TRIP12: variants seen among roughly 807,000 people sequenced by gnomAD.
The protein encoded by TRIP12 is thyroid hormone receptor interactor 12.
In TRIP12, 25 loss-of-function variants were observed where a neutral mutation model predicts 244.2. That is an observed-to-expected ratio of 0.10 (90% confidence interval 0.07 to 0.14). The LOEUF is 0.14. TRIP12 is among the 10% of genes least tolerant of loss of function. The pLI, the probability that TRIP12 is intolerant of heterozygous loss-of-function variation, is 1.00. For missense variants in TRIP12, 1,677 were observed against 2,486.4 expected (o/e 0.67, Z 6.92); for synonymous variants, 905 against 873.1 (o/e 1.04, Z -0.64).
chr2:229,905,274 CAAA>C (rs371131914), intron 1 of TRIP12, among the ~76,000 whole-genome samples: 3 of 67,236 alleles, frequency 4.5e-5, no homozygotes, highest in East Asian at 9.4e-4. Flanking sequence ...AACTCCGTCT[CAAA>C]AAAAAAAAAA....
intron 8 of TRIP12, among the ~76,000 whole-genome samples, chr2:229,821,366 C>T (rs531111710): frequency 8.5e-5 from 13 of 152,176 alleles, no homozygotes; most frequent in African/African-American, 3.1e-4. Flanking sequence ...ACCAAGAGTC[C>T]ACAGATCACA....
chr2:229,805,891 C>T lies in TRIP12; in HGVS notation c.2497-8G>A. 2 of 1,525,428 alleles carry T rather than the reference C, an allele frequency of 1.3e-6. No homozygotes were observed. The highest frequency in any genetic ancestry group is 1.8e-6 in the Non-Finnish European group (2 of 1,120,332). The allele number at this position is 1,525,428 out of a possible 1,614,324, so 94.5% of individuals were successfully genotyped here. ...ACCGACCTGATGGGCTGCCTGAGAG[C>T]AAAGAGAGAGAAACTTTGAATATAA... On this transcript the variant is annotated splice_region_variant and splice_polypyrimidine_tract_variant and intron_variant, in intron 17 of 41. Transcript: ENST00000675903.
chr2:229,792,952 A>G, intron 27 of TRIP12, 21 bp downstream of exon 27: 1 of 1,605,820 alleles, frequency 6.2e-7, no homozygotes. Context: ...ATAACACACG[A>G]AACAAATATA....
intron 1 of TRIP12, among the ~76,000 whole-genome samples, chr2:229,888,200 G>T (rs757293019): frequency 1.6e-4 from 25 of 152,272 alleles, no homozygotes; most frequent in Non-Finnish European, 3.1e-4. Context: ...AGTACATTTA[G>T]TGTTAATCAT....
chr2:229,914,930 A>G (rs1246774495), intron 1 of TRIP12, among the ~76,000 whole-genome samples: 2 of 152,204 alleles, frequency 1.3e-5, no homozygotes, highest in African/African-American at 4.8e-5. Context: ...ACTATTATAA[A>G]TTGGAAACAC....
At chr2:229,772,644 A>G (rs2154236913) in intron 38 of TRIP12, among the ~76,000 whole-genome samples, 1 of 152,144 alleles carries the variant, frequency 6.6e-6, no homozygotes, top group East Asian at 1.9e-4. Flanking sequence ...TTGTATTTTT[A>G]GTAGAGACGG....
At chr2:229,812,721 G>C (rs556833280) in intron 13 of TRIP12, among the ~76,000 whole-genome samples, 1 of 152,104 alleles carries the variant, frequency 6.6e-6, no homozygotes, top group African/African-American at 2.4e-5. Flanking sequence ...CAGAAGAATC[G>C]CTTGAACCAG....
At chr2:229,860,342 T>C in intron 3 of TRIP12, 64 bp downstream of exon 3, 1 of 1,540,708 alleles carries the variant, frequency 6.5e-7, no homozygotes, top group Non-Finnish European at 8.8e-7. Context: ...AGTTTTAACA[T>C]TATGCAATGA....
At chr2:229,890,208 C>A (rs2066997348) in intron 1 of TRIP12, among the ~76,000 whole-genome samples, 4 of 151,844 alleles carry the variant, frequency 2.6e-5, no homozygotes, top group Non-Finnish European at 1.5e-5. Context: ...GCCTCCTCAG[C>A]AGCTGGGACT....
At chr2:229,792,132 G>A (rs1189572228) in intron 28 of TRIP12, 21 bp downstream of exon 28, 8 of 1,613,768 alleles carry the variant, frequency 5.0e-6, no homozygotes, top group Non-Finnish European at 6.8e-6. Flanking sequence ...CATTATACAT[G>A]GTGGGAATAT....
At position 229,917,028 on chromosome 2, in the gene TRIP12, T is replaced by C. The variant is rs1252082809; in HGVS notation, c.-50+4852A>G. On this transcript the variant is annotated intron_variant, in intron 1 of 41. Coordinates refer to ENST00000675903, the MANE Select transcript of TRIP12 (RefSeq NM_001348323.3). ...GTCTGTAACACAGCTGCTGAAATGA[T>C]ACACAAGTACCAAAAGAAAATACAC... Among the ~76,000 whole-genome samples, 3 of 152,124 alleles carry C rather than the reference T, an allele frequency of 2.0e-5. No homozygotes were observed. The East Asian group carries it at 5.8e-4, about 29-fold the overall frequency.
At chr2:229,902,007 G>T (rs1017705898) in intron 1 of TRIP12, among the ~76,000 whole-genome samples, 1 of 152,172 alleles carries the variant, frequency 6.6e-6, no homozygotes, top group African/African-American at 2.4e-5. Flanking sequence ...CAAACTTCAA[G>T]ATTAGAGGCA....
intron 7 of TRIP12, among the ~76,000 whole-genome samples, chr2:229,829,714 C>T (rs912978644): frequency 2.0e-5 from 3 of 152,050 alleles, no homozygotes; most frequent in South Asian, 4.1e-4. Flanking sequence ...TTTGGGAGGC[C>T]GAGACGGGAG....
At chr2:229,770,711 T>G (rs984826708) in intron 39 of TRIP12, among the ~76,000 whole-genome samples, 2 of 152,154 alleles carry the variant, frequency 1.3e-5, no homozygotes, top group African/African-American at 4.8e-5. Flanking sequence ...AATTCCCACC[T>G]GCTGTGGGAA....
intron 33 of TRIP12, among the ~76,000 whole-genome samples, chr2:229,787,079 T>C (rs1175398211): frequency 2.0e-5 from 3 of 152,194 alleles, no homozygotes; most frequent in Non-Finnish European, 4.4e-5. Flanking sequence ...ATAAAGGATT[T>C]TGTTTCAGGC....
rs1491416640 is a variant in TRIP12, at chr2:229,769,156, CAT to C, written c.5903+73_5903+74del. ...AACTTTTGTTGTTTACACATGTGCG[CAT>C]GTGTGTGTACACACACACCCCTCTC... On this transcript the variant is annotated intron_variant, in intron 40 of 41. Transcript: ENST00000675903. 7.9e-5 allele frequency: 97 copies of C among 1,228,556 alleles called. 1 individual carries two copies. The South Asian group carries it at 1.3e-3, about 16-fold the overall frequency. 76.1% of individuals were successfully genotyped at this position (1,228,556 alleles called of 1,614,324 possible).
intron 1 of TRIP12, among the ~76,000 whole-genome samples, chr2:229,896,096 G>A (rs1442657124): frequency 6.6e-6 from 1 of 152,046 alleles, no homozygotes; most frequent in East Asian, 1.9e-4. Flanking sequence ...CAGAAAAGAA[G>A]TGGCCCAGGA....
chr2:229,787,806 A>G, intron 32 of TRIP12, 145 bp from the exon 33 acceptor site: 2 of 796,120 alleles, frequency 2.5e-6, no homozygotes, highest in South Asian at 4.2e-5. Flanking sequence ...AGGTCAATTT[A>G]TTTATTTATT....
intron 30 of TRIP12, 137 bp from the exon 31 acceptor site, chr2:229,789,899 A>T: frequency 1.1e-6 from 1 of 926,906 alleles, no homozygotes. Flanking sequence ...TAGGGTATTG[A>T]TAAGTTTGAC....
Sources: gnomAD v4.1 joint callset for allele counts (sites outside exome capture counted in the v4.1 genomes callset) on GRCh38, gnomAD v4.1.1 for gene constraint, MANE v1.5 for transcripts, NCBI Gene and HGNC (gene_info 2026-07-23, HGNC 2026-07-21) for gene names.